The following CR1 variants were observed in gnomAD, a reference collection of about 807,000 sequenced individuals.
The protein encoded by CR1 is complement C3b/C4b receptor 1 (Knops blood group).
Under a neutral mutation model 187.3 loss-of-function variants are expected in CR1, and 116 were observed. The ratio of observed to expected loss-of-function variants is 0.62; its 90% CI spans 0.53 to 0.72. CR1 has a LOEUF of 0.72. Among genes scored for constraint, CR1 ranks in the 30% least tolerant of loss-of-function variants. CR1 has a pLI of 0.00. For synonymous variants in CR1, 576 were observed against 747.1 expected (o/e 0.77, Z 3.73); for missense variants, 1,731 against 2,110.7 (o/e 0.82, Z 3.52).
intron 46 of CR1, among the ~76,000 whole-genome samples, chr1:207,632,400 T>G (rs1054413084): frequency 2.0e-5 from 3 of 152,286 alleles, no homozygotes; most frequent in Middle Eastern, 3.4e-3. Flanking sequence ...CTAATATTAC[T>G]CCAATAGTTC....
In CR1 at chr1:207,601,411, T is replaced by G. The variant is rs1484355697; in HGVS notation, c.5811-5840T>G. 3.9e-5 allele frequency among the ~76,000 whole-genome samples: 6 copies of G among 152,280 alleles called. No individual in the cohort carries two copies. The East Asian group carries it at 1.2e-3, about 29-fold the overall frequency. On this transcript the variant is annotated intron_variant, in intron 35 of 46. Coordinates refer to ENST00000367049, the MANE Select transcript of CR1 (RefSeq NM_000651.6). Reference sequence around the variant, plus strand: ...ACCCATATCTGTTTGAGTCCATATTTTCAATTCTTTTAGGTATATACCCAG... The same window carrying G: ...ACCCATATCTGTTTGAGTCCATATTGTCAATTCTTTTAGGTATATACCCAG...
intron 1 of CR1, among the ~76,000 whole-genome samples, chr1:207,503,964 G>A (rs1019274336): frequency 6.6e-6 from 1 of 152,206 alleles, no homozygotes; most frequent in African/African-American, 2.4e-5. Context: ...AGGTAAGAAG[G>A]AATCTTCTAT....
Position 207,612,052 on chromosome 1 carries a change from C to T in CR1, c.6575+11C>T. 1 of 1,612,568 alleles carries T rather than the reference C, an allele frequency of 6.2e-7. No homozygotes were observed. Among genetic ancestry groups the T allele is most frequent in the Non-Finnish European group, 8.5e-7 (1 of 1,178,638 alleles). ...TGTTTGCGATGAAGGGTGAGTGTGA[C>T]CCAGCGTTGAGACCAAGGACTCAGT... On this transcript the variant is annotated intron_variant, in intron 39 of 46. Transcript: ENST00000367049.
At chr1:207,585,324 T>C (rs1661082206) in intron 33 of CR1, among the ~76,000 whole-genome samples, 1 of 152,218 alleles carries the variant, frequency 6.6e-6, no homozygotes, top group Non-Finnish European at 1.5e-5. Context: ...TTTAAACTAG[T>C]GTTCTGCTGC....
intron 40 of CR1, among the ~76,000 whole-genome samples, chr1:207,615,484 A>T (rs1662065179): frequency 6.6e-6 from 1 of 152,206 alleles, no homozygotes. Context: ...TTTCCAAACC[A>T]TCCGCTTAAA....
intron 35 of CR1, among the ~76,000 whole-genome samples, chr1:207,599,677 T>C (rs919491731): frequency 6.6e-6 from 1 of 152,220 alleles, no homozygotes; most frequent in African/African-American, 2.4e-5. Context: ...GTGATTTGAA[T>C]GGGTGACCAT....
chr1:207,638,367 A>G (rs992944531), intron 46 of CR1, among the ~76,000 whole-genome samples: 4 of 152,228 alleles, frequency 2.6e-5, no homozygotes, highest in African/African-American at 9.6e-5. Context: ...GCCCTAAACA[A>G]TGTAAAATCA....
intron 46 of CR1, among the ~76,000 whole-genome samples, chr1:207,633,824 G>T (rs370766509): frequency 1.4e-4 from 22 of 152,194 alleles, no homozygotes; most frequent in African/African-American, 5.3e-4. Flanking sequence ...TCACCTGGGT[G>T]CAGGCGGGCT....
At position 207,609,493 on chromosome 1, in the gene CR1, C is replaced by T. The variant is rs746717987; in HGVS notation, c.6100C>T (p.Arg2034Trp). 6.2e-5 allele frequency: 100 copies of T among 1,613,860 alleles called. No individual in the cohort carries two copies. The highest frequency in any genetic ancestry group is 2.2e-4 in the South Asian group (20 of 91,084). The change falls in exon 37 of 47, where the codon CGG becomes TGG. Residue 2034 changes from arginine (R) to tryptophan (W), a missense_variant. Coordinates refer to ENST00000367049, the MANE Select transcript of CR1 (RefSeq NM_000651.6). ...TGGTGTTTGGAGCAGCCCTCCCCCT[C>T]GGTGTATTTCTACTAATAAATGCAC... ...QVGVWSSPPP[R>W]CISTNKCTAP...
chr1:207,498,125 T>C (rs1266434414), intron 1 of CR1, among the ~76,000 whole-genome samples: 1 of 152,202 alleles, frequency 6.6e-6, no homozygotes, highest in Non-Finnish European at 1.5e-5. Flanking sequence ...ATGTATAAAA[T>C]GAGCACAACT....
chr1:207,597,479 T>C (rs1661481912), intron 35 of CR1, among the ~76,000 whole-genome samples: 1 of 152,144 alleles, frequency 6.6e-6, no homozygotes, highest in Non-Finnish European at 1.5e-5. Context: ...AAATGCCCAA[T>C]AAACACATCA....
intron 35 of CR1, among the ~76,000 whole-genome samples, chr1:207,591,663 C>A (rs1403142998): frequency 1.3e-5 from 2 of 152,042 alleles, no homozygotes; most frequent in Non-Finnish European, 2.9e-5. Flanking sequence ...AATCCAGGAG[C>A]TGGTTTTTTG....
At chr1:207,566,915 A>G (rs1240415023) in intron 24 of CR1, among the ~76,000 whole-genome samples, 1 of 150,300 alleles carries the variant, frequency 6.7e-6, no homozygotes, top group Non-Finnish European at 1.5e-5. Context: ...TTAGAGTAAA[A>G]TTTTGGAAGA....
intron 36 of CR1, among the ~76,000 whole-genome samples, chr1:207,608,383 A>G (rs1661812072): frequency 2.0e-5 from 3 of 152,224 alleles, no homozygotes; most frequent in Non-Finnish European, 4.4e-5. Context: ...ATGTATCCAC[A>G]TATGTATCTA....
intron 37 of CR1, among the ~76,000 whole-genome samples, chr1:207,610,642 T>C (rs886077309): frequency 3.3e-5 from 5 of 152,154 alleles, no homozygotes; most frequent in African/African-American, 1.2e-4. Flanking sequence ...TCAAATGCAT[T>C]CTGATGCCCT....
chr1:207,612,893 C>T (rs892794730), intron 39 of CR1, among the ~76,000 whole-genome samples: 3 of 152,228 alleles, frequency 2.0e-5, no homozygotes, highest in Non-Finnish European at 4.4e-5. Context: ...GGAGGTGTTA[C>T]AGCACACTAA....
At chr1:207,572,417 C>T (rs567789661) in intron 27 of CR1, among the ~76,000 whole-genome samples, 1 of 151,782 alleles carries the variant, frequency 6.6e-6, no homozygotes, top group South Asian at 2.1e-4. Context: ...AGGCAAGACC[C>T]TCCACCAACA....
intron 35 of CR1, among the ~76,000 whole-genome samples, chr1:207,601,727 C>T (rs922337308): frequency 6.6e-5 from 10 of 152,200 alleles, no homozygotes; most frequent in Middle Eastern, 6.8e-3. Context: ...GGAAAAATGT[C>T]TATTCTCATC....
chr1:207,521,565 A>G (rs1282982878), intron 4 of CR1, among the ~76,000 whole-genome samples: 1 of 150,254 alleles, frequency 6.7e-6, no homozygotes, highest in Non-Finnish European at 1.5e-5. Context: ...TCTTAATTTC[A>G]GCAATCATAT....
Sources: gnomAD v4.1 joint callset for allele counts (sites outside exome capture counted in the v4.1 genomes callset) on GRCh38, gnomAD v4.1.1 for gene constraint, MANE v1.5 for transcripts, NCBI Gene and HGNC (gene_info 2026-07-23, HGNC 2026-07-21) for gene names.